The following MMP16 variants were observed in gnomAD, a reference collection of about 807,000 sequenced individuals.
MMP16 encodes matrix metalloproteinase-16.
A neutral mutation model predicts 67.8 loss-of-function variants in MMP16; 12 were observed. That is an observed-to-expected ratio of 0.18 (90% CI 0.11 to 0.29). MMP16 has a LOEUF of 0.29. MMP16 is among the 10% of genes least tolerant of loss of function. The pLI is 1.00. For missense variants in MMP16, 475 were observed against 765.7 expected, an observed-to-expected ratio of 0.62 and a Z score of 4.48; for synonymous variants, 249 against 255.9, an observed-to-expected ratio of 0.97 and a Z score of 0.26.
At chr8:88,302,513 T>G (rs1811119427) in intron 1 of MMP16, among the ~76,000 whole-genome samples, 1 of 152,126 alleles carries the variant, frequency 6.6e-6, no homozygotes, top group Non-Finnish European at 1.5e-5. Flanking sequence ...TCAGGACAAG[T>G]GTGTCCAAAT....
intron 1 of MMP16, among the ~76,000 whole-genome samples, chr8:88,276,597 A>G (rs1173022065): frequency 1.3e-5 from 2 of 152,168 alleles, no homozygotes; most frequent in Non-Finnish European, 2.9e-5. Flanking sequence ...TTTCCTTTAA[A>G]TAGGTAGGCT....
chr8:88,141,866 C>T (rs1808216678), intron 4 of MMP16, among the ~76,000 whole-genome samples: 1 of 151,712 alleles, frequency 6.6e-6, no homozygotes, highest in African/African-American at 2.4e-5. Context: ...TTATGTGACT[C>T]TATTCTAAAG....
chr8:88,325,866 C>T (rs1389521714), intron 1 of MMP16, among the ~76,000 whole-genome samples: 1 of 152,032 alleles, frequency 6.6e-6, no homozygotes, highest in Non-Finnish European at 1.5e-5. Flanking sequence ...GTCCTAAGAA[C>T]AGTTTCTATA....
At chr8:88,146,862 C>T (rs1808301682) in intron 4 of MMP16, among the ~76,000 whole-genome samples, 1 of 151,600 alleles carries the variant, frequency 6.6e-6, no homozygotes, top group African/African-American at 2.4e-5. Flanking sequence ...AACTTTTCCC[C>T]AACTGTTTGA....
At chr8:88,072,479 C>T (rs1378234618) in intron 7 of MMP16, among the ~76,000 whole-genome samples, 3 of 152,022 alleles carry the variant, frequency 2.0e-5, no homozygotes, top group African/African-American at 7.2e-5. Context: ...AAAGAGTTGC[C>T]ACAGCAGGGT....
At chr8:88,327,033 G>C (rs759671306) in intron 1 of MMP16, 42 bp downstream of exon 1, 2 of 1,611,458 alleles carry the variant, frequency 1.2e-6, no homozygotes, top group Non-Finnish European at 1.7e-6. Flanking sequence ...TCAGGGAGCA[G>C]CCCAGGCAGC....
chr8:88,082,044 A>G (rs1281567102), intron 6 of MMP16, among the ~76,000 whole-genome samples: 2 of 152,172 alleles, frequency 1.3e-5, no homozygotes, highest in Non-Finnish European at 2.9e-5. Context: ...ATCCCAGCTC[A>G]CAAATGGTCA....
chr8:88,326,058 CATT>C (rs1483948155), intron 1 of MMP16, among the ~76,000 whole-genome samples: 2 of 152,170 alleles, frequency 1.3e-5, no homozygotes, highest in Non-Finnish European at 2.9e-5. Flanking sequence ...AAAAAAATCA[CATT>C]ATTCCTTAAA....
chr8:88,226,015 G>A (rs1227690051), intron 1 of MMP16, among the ~76,000 whole-genome samples: 1 of 151,598 alleles, frequency 6.6e-6, no homozygotes, highest in Non-Finnish European at 1.5e-5. Context: ...AATCACTTTT[G>A]AGAAAAATTT....
At chr8:88,320,864 T>C (rs2130087204) in intron 1 of MMP16, among the ~76,000 whole-genome samples, 1 of 152,266 alleles carries the variant, frequency 6.6e-6, no homozygotes, top group East Asian at 1.9e-4. Flanking sequence ...CTCATCAAGC[T>C]ATGCCACTAT....
chr8:88,130,527 C>T (rs542152547), intron 4 of MMP16, among the ~76,000 whole-genome samples: 1 of 151,762 alleles, frequency 6.6e-6, no homozygotes, highest in African/African-American at 2.4e-5. Flanking sequence ...GTTTATTCCA[C>T]ATATTCTGTA....
chr8:88,311,993 C>G (rs556202205), intron 1 of MMP16, among the ~76,000 whole-genome samples: 153 of 152,254 alleles, frequency 1.0e-3, no homozygotes, highest in African/African-American at 3.4e-3. Context: ...GGGCAGAAAA[C>G]TGGGGATTTG....
chr8:88,286,681 T>G (rs1031919342), intron 1 of MMP16, among the ~76,000 whole-genome samples: 1 of 152,030 alleles, frequency 6.6e-6, no homozygotes, highest in African/African-American at 2.4e-5. Flanking sequence ...GTTCATGCCA[T>G]TCTCCTGCCT....
At chr8:88,217,864 C>T (rs1809618912) in intron 1 of MMP16, among the ~76,000 whole-genome samples, 1 of 151,996 alleles carries the variant, frequency 6.6e-6, no homozygotes, top group Non-Finnish European at 1.5e-5. Context: ...AAGTTAGATG[C>T]TTGGAGACAC....
intron 4 of MMP16, among the ~76,000 whole-genome samples, chr8:88,154,432 G>A (rs1445113524): frequency 7.1e-6 from 1 of 141,698 alleles, no homozygotes; most frequent in South Asian, 2.3e-4. Flanking sequence ...GTTTATTGCG[G>A]CATTATTCAC....
intron 3 of MMP16, among the ~76,000 whole-genome samples, chr8:88,181,729 A>C (rs1044562344): frequency 5.9e-5 from 9 of 152,020 alleles, no homozygotes; most frequent in Non-Finnish European, 1.2e-4. Context: ...TTAAGAAAAT[A>C]AACACAATCA....
At chr8:88,071,826 A>G (rs1392511826) in intron 7 of MMP16, among the ~76,000 whole-genome samples, 1 of 152,180 alleles carries the variant, frequency 6.6e-6, no homozygotes, top group Non-Finnish European at 1.5e-5. Context: ...TAAAGTTAGA[A>G]CACAACACAC....
At chr8:88,215,808 T>G (rs1809583299) in intron 1 of MMP16, among the ~76,000 whole-genome samples, 1 of 152,202 alleles carries the variant, frequency 6.6e-6, no homozygotes. Flanking sequence ...GACTAGACAC[T>G]TCAGAGTGTG....
chr8:88,159,734 T>C (rs1808580470), intron 4 of MMP16, among the ~76,000 whole-genome samples: 1 of 152,044 alleles, frequency 6.6e-6, no homozygotes, highest in Non-Finnish European at 1.5e-5. Flanking sequence ...ATTCTTCTAG[T>C]TTTTGCCCAT....
Sources: allele counts gnomAD v4.1 joint callset (sites outside exome capture counted in the v4.1 genomes callset), GRCh38; gene constraint gnomAD v4.1.1; transcripts MANE v1.5; gene names NCBI Gene and HGNC (gene_info 2026-07-23, HGNC 2026-07-21).